Variants in HECW2 observed in about 807,000 individuals in gnomAD.
HECW2 encodes the protein E3 ubiquitin-protein ligase HECW2.
A neutral mutation model predicts 175.2 loss-of-function variants in HECW2; 61 were observed. The ratio of observed to expected loss-of-function variants is 0.35; its 90% CI spans 0.28 to 0.43. The LOEUF is 0.43. HECW2 is among the 20% of genes least tolerant of loss of function. The pLI is 1.00. For missense variants in HECW2, 1,524 were observed against 2,000.5 expected (o/e 0.76, Z 4.54); for synonymous variants, 671 against 731.0 (o/e 0.92, Z 1.32).
intron 1 of HECW2, among the ~76,000 whole-genome samples, chr2:196,506,004 T>C (rs10188922): frequency 0.054 from 8,223 of 152,058 alleles, 761 homozygotes; most frequent in African/African-American, 0.19. Flanking sequence ...AGAGCAGGGG[T>C]ATCTCTCAAT....
intron 1 of HECW2, among the ~76,000 whole-genome samples, chr2:196,577,471 G>A (rs1203583050): frequency 6.6e-6 from 1 of 152,058 alleles, no homozygotes; most frequent in East Asian, 1.9e-4. Flanking sequence ...GGGAAAGACT[G>A]GCAAAAAGAA....
chr2:196,527,426 A>G (rs1688704699), intron 1 of HECW2, among the ~76,000 whole-genome samples: 1 of 152,190 alleles, frequency 6.6e-6, no homozygotes, highest in Admixed American at 6.5e-5. Flanking sequence ...AAATGCAGAA[A>G]TCACCCTTCT....
chr2:196,468,725 T>C (rs2125343433), intron 1 of HECW2, among the ~76,000 whole-genome samples: 1 of 152,286 alleles, frequency 6.6e-6, no homozygotes, highest in East Asian at 1.9e-4. Context: ...GTCTGAGGTG[T>C]GTTTTCAAAA....
At chr2:196,438,453 A>T (rs1695945007) in intron 1 of HECW2, among the ~76,000 whole-genome samples, 1 of 152,220 alleles carries the variant, frequency 6.6e-6, no homozygotes, top group South Asian at 2.1e-4. Flanking sequence ...TTTTAAATCC[A>T]GTGTGAATTT....
At chr2:196,349,271 T>G (rs566355944) in intron 2 of HECW2, among the ~76,000 whole-genome samples, 1 of 152,338 alleles carries the variant, frequency 6.6e-6, no homozygotes, top group South Asian at 2.1e-4. Flanking sequence ...TTAAAGTGTC[T>G]GTTTTTTTGT....
At chr2:196,560,307 A>G (rs1443836333) in intron 1 of HECW2, among the ~76,000 whole-genome samples, 1 of 152,032 alleles carries the variant, frequency 6.6e-6, no homozygotes, top group East Asian at 1.9e-4. Context: ...CACCATGCCC[A>G]GCTAATTTTT....
chr2:196,242,412 A>G, intron 19 of HECW2: 1 of 578,692 alleles, frequency 1.7e-6, no homozygotes, highest in Non-Finnish European at 3.0e-6. Context: ...TTTGGTTGAG[A>G]ATAAAAATTC....
At chr2:196,209,991 C>G (rs1319057959) in intron 28 of HECW2, among the ~76,000 whole-genome samples, 1 of 152,134 alleles carries the variant, frequency 6.6e-6, no homozygotes, top group Non-Finnish European at 1.5e-5. Flanking sequence ...TCTCCATCTC[C>G]TGACCTCGTG....
intron 1 of HECW2, among the ~76,000 whole-genome samples, chr2:196,538,463 C>T (rs935617982): frequency 1.3e-5 from 2 of 152,168 alleles, no homozygotes; most frequent in African/African-American, 4.8e-5. Context: ...AGGTACACCG[C>T]ACTTAGCAGT....
At chr2:196,492,697 T>A (rs551797212) in intron 1 of HECW2, among the ~76,000 whole-genome samples, 12 of 152,182 alleles carry the variant, frequency 7.9e-5, no homozygotes, top group Middle Eastern at 3.4e-3. Flanking sequence ...TAAAAGAAAA[T>A]TTGGGGGGAA....
intron 18 of HECW2, 172 bp downstream of exon 18, chr2:196,257,651 G>A (rs903298669): frequency 6.3e-5 from 37 of 588,266 alleles, no homozygotes; most frequent in Middle Eastern, 3.4e-4. Flanking sequence ...AAATGGCAAC[G>A]TGAAGTGAAT....
chr2:196,527,442 G>A (rs538156953), intron 1 of HECW2, among the ~76,000 whole-genome samples: 10 of 152,302 alleles, frequency 6.6e-5, no homozygotes, highest in African/African-American at 2.2e-4. Context: ...CTTCTTCTGC[G>A]TCGCTCACGC....
rs535494033 is a variant in HECW2 at position 196,308,161 on chromosome 2, T to A, written c.2435-76A>T. On this transcript the variant is annotated intron_variant, in intron 10 of 28. Transcript: ENST00000644978. ...TTAATAGGGTTCATTAAGTTTGGCA[T>A]GTGTTTTCTTTCTCTGACATGCTAT... The A allele has an allele frequency of 5.5e-4, 640 of 1,162,088 alleles. 3 individuals carry two copies. The African/African-American group carries it at 8.7e-3, about 16-fold the overall frequency. The allele number at this position is 1,162,088 out of a possible 1,614,324, so 72.0% of individuals were successfully genotyped here.
intron 19 of HECW2, among the ~76,000 whole-genome samples, chr2:196,245,346 C>T (rs1020602102): frequency 1.3e-5 from 2 of 152,196 alleles, no homozygotes; most frequent in South Asian, 2.1e-4. Flanking sequence ...GGTGCAGTTT[C>T]CTGTCCAAGT....
At chr2:196,483,587 C>T (rs753836983) in intron 1 of HECW2, among the ~76,000 whole-genome samples, 1 of 152,124 alleles carries the variant, frequency 6.6e-6, no homozygotes, top group African/African-American at 2.4e-5. Context: ...TAAGTGAGAA[C>T]ACACCATCAC....
chr2:196,315,224 C>G (rs558329142), intron 10 of HECW2, among the ~76,000 whole-genome samples: 47 of 151,432 alleles, frequency 3.1e-4, no homozygotes, highest in African/African-American at 9.5e-4. Context: ...GGCATCTTCA[C>G]TTCTGAGTTT....
intron 10 of HECW2, among the ~76,000 whole-genome samples, chr2:196,312,427 A>T (rs1691532416): frequency 6.6e-6 from 1 of 152,226 alleles, no homozygotes. Context: ...TTCAAGGAAA[A>T]TTATAAGCTT....
Position 196,433,112 on chromosome 2 carries a change from G to T in HECW2, c.292+20C>A. ...CTTGTATGCTCTGAGTCACATGCAAGTCCATTCCACTTGACTCACCTATAT... is the reference window on the plus strand; with the variant it reads ...CTTGTATGCTCTGAGTCACATGCAATTCCATTCCACTTGACTCACCTATAT... On this transcript the variant is annotated intron_variant, in intron 2 of 28. Coordinates refer to ENST00000644978, the MANE Select transcript of HECW2 (RefSeq NM_001348768.2). 1 of 1,583,860 alleles carries T rather than the reference G, an allele frequency of 6.3e-7. No homozygotes were observed. Among genetic ancestry groups the T allele is most frequent in the Non-Finnish European group, 8.6e-7 (1 of 1,161,434 alleles).
At chr2:196,559,994 G>A (rs906800165) in intron 1 of HECW2, among the ~76,000 whole-genome samples, 6 of 152,108 alleles carry the variant, frequency 3.9e-5, no homozygotes, top group African/African-American at 9.7e-5. Flanking sequence ...GAGAGGGACG[G>A]TCCCATGAAA....
Sources: gnomAD v4.1 joint callset for allele counts (sites outside exome capture counted in the v4.1 genomes callset) on GRCh38, gnomAD v4.1.1 for gene constraint, MANE v1.5 for transcripts, NCBI Gene and HGNC (gene_info 2026-07-23, HGNC 2026-07-21) for gene names.